The following CAMTA1 variants were observed in gnomAD, a reference collection of about 807,000 sequenced individuals.
CAMTA1 encodes the protein calmodulin-binding transcription activator 1.
In CAMTA1, 27 loss-of-function variants were observed where a neutral mutation model predicts 170.9. The observed-to-expected ratio is 0.16, with a 90% CI of 0.12 to 0.22. The LOEUF (loss-of-function observed/expected upper bound fraction) is 0.22. Ranked by LOEUF, CAMTA1 falls within the 10% of genes least tolerant of loss-of-function variation. The pLI is 1.00. For missense variants in CAMTA1, 1,619 were observed against 2,217.2 expected, an observed-to-expected ratio of 0.73 and a Z score of 5.42; for synonymous variants, 833 against 891.5, an observed-to-expected ratio of 0.93 and a Z score of 1.17.
In CAMTA1 at chr1:7,482,402, C is replaced by A. The variant is rs1307079751; in HGVS notation, c.510+14501C>A. On this transcript the variant is annotated intron_variant, in intron 6 of 22. Transcript: ENST00000303635. The surrounding 1 kb of genome is among the most constrained non-coding windows in gnomAD (Gnocchi z 4.2). ...TTTCTCCTAGGCTCTCCCACAGCTGCCCCTAGGTCCAGCTGTGCCCCACGA... is the reference window on the plus strand; with the variant it reads ...TTTCTCCTAGGCTCTCCCACAGCTGACCCTAGGTCCAGCTGTGCCCCACGA... 6.6e-6 allele frequency among the ~76,000 whole-genome samples: 1 copy of A among 152,178 alleles called. No homozygotes were observed. Among genetic ancestry groups the A allele is most frequent in the Admixed American group, 6.5e-5 (1 of 15,280 alleles).
At chr1:7,016,103 C>T (rs778515277) in intron 3 of CAMTA1, among the ~76,000 whole-genome samples, 28 of 151,682 alleles carry the variant, frequency 1.8e-4, no homozygotes, top group South Asian at 4.1e-4. Context: ...GCAGCCACAC[C>T]CTGCCCCATC....
At chr1:7,127,674 T>G (rs1036893548) in intron 4 of CAMTA1, among the ~76,000 whole-genome samples, 1 of 152,194 alleles carries the variant, frequency 6.6e-6, no homozygotes, top group Non-Finnish European at 1.5e-5. Flanking sequence ...GCTTAGAATG[T>G]AGAAGGGGAC....
chr1:7,222,964 G>GA (rs1361563145), intron 4 of CAMTA1, among the ~76,000 whole-genome samples: 1 of 152,260 alleles, frequency 6.6e-6, no homozygotes, highest in East Asian at 1.9e-4. Flanking sequence ...GAAATGACCA[G>GA]AAAATACCAA....
intron 1 of CAMTA1, among the ~76,000 whole-genome samples, chr1:6,804,436 C>T (rs897220980): frequency 2.0e-5 from 3 of 151,888 alleles, no homozygotes; most frequent in Non-Finnish European, 4.4e-5. Context: ...GCAACTGTCC[C>T]CACTCTCTAA....
chr1:7,450,697 T>C (rs2092803078), intron 5 of CAMTA1, among the ~76,000 whole-genome samples: 1 of 152,246 alleles, frequency 6.6e-6, no homozygotes, highest in Non-Finnish European at 1.5e-5. Flanking sequence ...GAAAACCTGT[T>C]TCTTTCCCAT....
chr1:6,953,034 C>T (rs1266131564), intron 3 of CAMTA1, among the ~76,000 whole-genome samples: 2 of 152,032 alleles, frequency 1.3e-5, no homozygotes, highest in Non-Finnish European at 2.9e-5. Flanking sequence ...TTCATAACAT[C>T]GGGTTCATAT....
In CAMTA1 at chr1:7,585,680, T is replaced by C. The variant is rs2095303087; in HGVS notation, c.511-54720T>C. Among the ~76,000 whole-genome samples the C allele has an allele frequency of 6.6e-6, 1 of 151,860 alleles. No individual in the cohort carries two copies. Among genetic ancestry groups the C allele is most frequent in the African/African-American group, 2.4e-5 (1 of 41,326 alleles). On this transcript the variant is annotated intron_variant, in intron 6 of 22. Transcript: ENST00000303635. This position sits in a 1 kb window ranked among gnomAD's most constrained non-coding sequence, Gnocchi z 4.8. ...ACAATGGGCCATGGGAGGACAAGAATAGGTAGCCTCAAGGGGCAGGAGGGG... is the reference window on the plus strand; with the variant it reads ...ACAATGGGCCATGGGAGGACAAGAACAGGTAGCCTCAAGGGGCAGGAGGGG...
chr1:7,299,001 A>G lies in CAMTA1; in HGVS notation c.438+49375A>G, dbSNP rs1158645579. Among the ~76,000 whole-genome samples the G allele has an allele frequency of 1.1e-4, 17 of 152,186 alleles. No homozygotes were observed. Among genetic ancestry groups the G allele is most frequent in the Non-Finnish European group, 2.5e-4 (17 of 68,040 alleles). On this transcript the variant is annotated intron_variant, in intron 5 of 22. Transcript: ENST00000303635. This position sits in a 1 kb window ranked among gnomAD's most constrained non-coding sequence, Gnocchi z 4.7. Reference sequence around the variant, plus strand: ...CTAAGGAGGCTATTTGCTTTGACTAAGGGGCCAAGATGATGAAGTCAGATG... The same window carrying G: ...CTAAGGAGGCTATTTGCTTTGACTAGGGGGCCAAGATGATGAAGTCAGATG...
intron 3 of CAMTA1, among the ~76,000 whole-genome samples, chr1:7,036,981 C>T (rs183114890): frequency 6.6e-6 from 1 of 152,242 alleles, no homozygotes; most frequent in Non-Finnish European, 1.5e-5. Flanking sequence ...CTACAGCCTG[C>T]TATAGGAAGA....
chr1:7,689,702 C>T (rs1034356173), intron 11 of CAMTA1, among the ~76,000 whole-genome samples: 1 of 152,208 alleles, frequency 6.6e-6, no homozygotes, highest in Non-Finnish European at 1.5e-5. Flanking sequence ...GGAACCCAGG[C>T]CCCAGGAAGA....
chr1:7,616,844 C>A (rs2095562422), intron 6 of CAMTA1, among the ~76,000 whole-genome samples: 1 of 152,174 alleles, frequency 6.6e-6, no homozygotes, highest in Admixed American at 6.5e-5. Flanking sequence ...GAGAGATATA[C>A]CCTATGACAG....
intron 3 of CAMTA1, among the ~76,000 whole-genome samples, chr1:6,830,755 A>C (rs957453916): frequency 6.6e-6 from 1 of 152,130 alleles, no homozygotes; most frequent in Non-Finnish European, 1.5e-5. Context: ...TACCTCCAAA[A>C]TCAAGACACG....
Position 7,748,656 on chromosome 1 carries a change from ATAAGG to A in CAMTA1, c.4689+878_4689+882del, listed in dbSNP as rs2150134653. On this transcript the variant is annotated intron_variant, in intron 19 of 22. Transcript: ENST00000303635. The surrounding 1 kb of genome is among the most constrained non-coding windows in gnomAD (Gnocchi z 4.7). ...TTTATTACCTTTGAGTTTGAATTAT[ATAAGG>A]TATTTAATCTTTGGCCATTTTCCTT... Among the ~76,000 whole-genome samples the A allele has an allele frequency of 6.6e-6, 1 of 152,332 alleles. No homozygotes were observed. Among genetic ancestry groups the A allele is most frequent in the Non-Finnish European group, 1.5e-5 (1 of 68,030 alleles).
At chr1:6,829,904 CTA>C (rs1649041049) in intron 3 of CAMTA1, among the ~76,000 whole-genome samples, 1 of 152,112 alleles carries the variant, frequency 6.6e-6, no homozygotes, top group South Asian at 2.1e-4. Context: ...CAAAGTTAAT[CTA>C]ATTTTGCATT....
chr1:7,688,685 T>C (rs1219024177), intron 11 of CAMTA1, among the ~76,000 whole-genome samples: 1 of 152,160 alleles, frequency 6.6e-6, no homozygotes, highest in African/African-American at 2.4e-5. Flanking sequence ...AGTCCAATGC[T>C]CAGCCTCTAA....
rs557703987 is a variant in CAMTA1 at position 7,699,290 on chromosome 1, C to G, written c.2914+21557C>G. Among the ~76,000 whole-genome samples, 4 of 151,958 alleles carry G rather than the reference C, an allele frequency of 2.6e-5. No homozygotes were observed. In the South Asian group the frequency reaches 8.3e-4, roughly 32 times the overall value. ...GGTCACTCCCCATTCCTCCTCAGCT[C>G]CCCCCCACCACCCTCCCTAGGCAAT... On this transcript the variant is annotated intron_variant, in intron 11 of 22. Transcript: ENST00000303635.
At chr1:7,491,716 A>G (rs1371785152) in intron 6 of CAMTA1, among the ~76,000 whole-genome samples, 2 of 152,230 alleles carry the variant, frequency 1.3e-5, no homozygotes, top group Admixed American at 1.3e-4. Context: ...TGGCTGCTTC[A>G]AGGCATCCTT....
chr1:6,887,966 G>T lies in CAMTA1; in HGVS notation c.234+62756G>T. On this transcript the variant is annotated intron_variant, in intron 3 of 22. Transcript: ENST00000303635. The surrounding 1 kb of genome is among the most constrained non-coding windows in gnomAD (Gnocchi z 4.1). Reference sequence around the variant, plus strand: ...CTGGAGAGCAGGGCTCTGTGCACACGCCTCCTGGTCCAGAGGCCTCCGTGA... The same window carrying T: ...CTGGAGAGCAGGGCTCTGTGCACACTCCTCCTGGTCCAGAGGCCTCCGTGA... 5.6e-6 allele frequency: 7 copies of T among 1,246,128 alleles called. No individual in the cohort carries two copies. Among genetic ancestry groups the T allele is most frequent in the African/African-American group, 1.5e-5 (1 of 65,484 alleles). The allele number at this position is 1,246,128 out of a possible 1,614,324, so 77.2% of individuals were successfully genotyped here.
chr1:7,703,544 C>A (rs938587522), intron 11 of CAMTA1, among the ~76,000 whole-genome samples: 5 of 152,120 alleles, frequency 3.3e-5, no homozygotes, highest in Admixed American at 2.6e-4. Context: ...GGTGTACAGG[C>A]TTAAGGGCTC....
Sources: gnomAD v4.1 joint callset for allele counts (sites outside exome capture counted in the v4.1 genomes callset) on GRCh38, gnomAD v4.1.1 for gene constraint, Gnocchi (gnomAD v3.1) non-coding constraint, MANE v1.5 for transcripts, NCBI Gene and HGNC (gene_info 2026-07-23, HGNC 2026-07-21) for gene names.